Variants in CHCHD3 observed in about 807,000 individuals in gnomAD.
CHCHD3 encodes the protein coiled-coil-helix-coiled-coil-helix domain containing 3.
Under a neutral mutation model 38.2 loss-of-function variants are expected in CHCHD3, and 20 were observed. The ratio of observed to expected loss-of-function variants is 0.52; its 90% CI spans 0.37 to 0.76. The LOEUF is 0.76. CHCHD3 is among the 30% of genes least tolerant of loss of function. The pLI, the probability that CHCHD3 is intolerant of heterozygous loss-of-function variation, is 0.00. For synonymous variants in CHCHD3, 82 were observed against 100.0 expected (o/e 0.82, Z 1.07); for missense variants, 245 against 279.2 (o/e 0.88, Z 0.87).
chr7:132,968,525 A>T (rs1470305983), intron 4 of CHCHD3, among the ~76,000 whole-genome samples: 2 of 152,236 alleles, frequency 1.3e-5, no homozygotes, highest in African/African-American at 4.8e-5. Flanking sequence ...CTCTACACAT[A>T]TCCAAATAAT....
intron 4 of CHCHD3, among the ~76,000 whole-genome samples, chr7:132,934,359 T>C (rs1810586225): frequency 6.6e-6 from 1 of 152,130 alleles, no homozygotes; most frequent in Admixed American, 6.5e-5. Context: ...GGCTCACACA[T>C]TGAGGATCTC....
chr7:132,888,914 A>G (rs538698477), intron 4 of CHCHD3, among the ~76,000 whole-genome samples: 13 of 152,192 alleles, frequency 8.5e-5, no homozygotes, highest in African/African-American at 3.1e-4. Flanking sequence ...GTACTTGTTT[A>G]TATGGACATG....
At chr7:133,059,273 A>T (rs1179416118) in intron 2 of CHCHD3, among the ~76,000 whole-genome samples, 1 of 152,184 alleles carries the variant, frequency 6.6e-6, no homozygotes, top group African/African-American at 2.4e-5. Context: ...AGCGGGTTCT[A>T]CTAGAAAAGG....
chr7:132,879,186 T>A (rs888023753), intron 5 of CHCHD3, among the ~76,000 whole-genome samples: 2 of 152,184 alleles, frequency 1.3e-5, no homozygotes, highest in Non-Finnish European at 2.9e-5. Context: ...GCACATAGAA[T>A]AATATTTTAA....
intron 2 of CHCHD3, chr7:133,052,144 T>G (rs1459581924): frequency 6.6e-6 from 1 of 152,224 alleles, no homozygotes; most frequent in Non-Finnish European, 1.5e-5. Flanking sequence ...AGCCCCATGG[T>G]GACTCAGGGC....
chr7:132,981,497 C>T (rs989578630), intron 3 of CHCHD3, among the ~76,000 whole-genome samples: 3 of 152,180 alleles, frequency 2.0e-5, no homozygotes, highest in Non-Finnish European at 4.4e-5. Flanking sequence ...ACATTATTCA[C>T]GGTTATTTTA....
intron 4 of CHCHD3, among the ~76,000 whole-genome samples, chr7:132,974,885 G>A (rs1311586064): frequency 1.3e-5 from 2 of 151,030 alleles, no homozygotes; most frequent in Non-Finnish European, 3.0e-5. Flanking sequence ...AAAAAAAAAA[G>A]GAAAGAAAAA....
chr7:132,852,066 C>T (rs1302861253), intron 5 of CHCHD3, among the ~76,000 whole-genome samples: 1 of 152,202 alleles, frequency 6.6e-6, no homozygotes, highest in African/African-American at 2.4e-5. Flanking sequence ...CAAACATTAG[C>T]TCCTTTAACA....
chr7:132,980,454 C>G (rs1394667488), intron 3 of CHCHD3, among the ~76,000 whole-genome samples: 1 of 152,194 alleles, frequency 6.6e-6, no homozygotes, highest in Non-Finnish European at 1.5e-5. Context: ...ATTTAAGTTT[C>G]ATTTAAATTT....
chr7:133,035,770 G>A lies in CHCHD3; in HGVS notation c.170-11143C>T, dbSNP rs1813656270. The A allele has an allele frequency of 1.2e-5, 20 of 1,613,264 alleles. No individual in the cohort carries two copies. The Middle Eastern group carries it at 5.0e-4, about 41-fold the overall frequency. ...GGGACCTTGCCGGCAGGAAATTTGC[G>A]AAGAAATTCAGAGGTGCGGTTGGTT... On this transcript the variant is annotated intron_variant, in intron 2 of 7. Transcript: ENST00000262570. The surrounding 1 kb of genome is among the most constrained non-coding windows in gnomAD (Gnocchi z 4.7).
intron 2 of CHCHD3, among the ~76,000 whole-genome samples, chr7:133,031,782 C>A (rs1813511506): frequency 6.6e-6 from 1 of 152,128 alleles, no homozygotes; most frequent in Non-Finnish European, 1.5e-5. Flanking sequence ...TATGTACCTG[C>A]ATAATATAAG....
chr7:132,888,140 C>T (rs1278586697), intron 4 of CHCHD3, among the ~76,000 whole-genome samples: 3 of 150,118 alleles, frequency 2.0e-5, no homozygotes, highest in Admixed American at 6.6e-5. Context: ...GTAAGGAAGA[C>T]GAAGAGAAAA....
chr7:132,884,754 T>TA (rs1323128523), intron 5 of CHCHD3, among the ~76,000 whole-genome samples: 2 of 152,186 alleles, frequency 1.3e-5, no homozygotes, highest in African/African-American at 4.8e-5. Flanking sequence ...AGGGCACTGA[T>TA]AAGGTGCTCA....
chr7:132,950,414 T>C (rs1178199503), intron 4 of CHCHD3, among the ~76,000 whole-genome samples: 3 of 152,162 alleles, frequency 2.0e-5, no homozygotes, highest in African/African-American at 4.8e-5. Context: ...TCTGAAGATC[T>C]CCCCCTCACA....
chr7:133,010,644 T>G (rs1478243909), intron 3 of CHCHD3, among the ~76,000 whole-genome samples: 1 of 152,174 alleles, frequency 6.6e-6, no homozygotes, highest in African/African-American at 2.4e-5. Flanking sequence ...AGTGGCGTGA[T>G]CTCGGCTTAC....
intron 2 of CHCHD3, among the ~76,000 whole-genome samples, chr7:133,025,880 G>A (rs950892878): frequency 6.6e-6 from 1 of 152,122 alleles, no homozygotes; most frequent in Admixed American, 6.5e-5. Context: ...CGATAACCTC[G>A]ACATTATAAA....
chr7:132,916,001 A>G (rs1810097285), intron 4 of CHCHD3, among the ~76,000 whole-genome samples: 1 of 151,362 alleles, frequency 6.6e-6, no homozygotes, highest in African/African-American at 2.4e-5. Context: ...TTCTGGGATC[A>G]CACACTGCAG....
At chr7:132,935,548 T>A (rs62465287) in intron 4 of CHCHD3, among the ~76,000 whole-genome samples, 30,545 of 152,120 alleles carry the variant, frequency 0.2, 3,454 homozygotes, top group South Asian at 0.27. Context: ...TATCCATCTA[T>A]ACCAAGAAGG....
chr7:132,896,148 T>C (rs1230905311), intron 4 of CHCHD3, among the ~76,000 whole-genome samples: 2 of 152,224 alleles, frequency 1.3e-5, no homozygotes, highest in East Asian at 1.9e-4. Context: ...GCTCAAATCT[T>C]TGTAATGTAA....
Sources: allele counts gnomAD v4.1 joint callset (sites outside exome capture counted in the v4.1 genomes callset), GRCh38; gene constraint gnomAD v4.1.1; non-coding constraint Gnocchi (gnomAD v3.1); transcripts MANE v1.5; gene names NCBI Gene and HGNC (gene_info 2026-07-23, HGNC 2026-07-21).